RASGRF2: variants seen among roughly 807,000 people sequenced by gnomAD.
RASGRF2 encodes Ras protein specific guanine nucleotide releasing factor 2.
In RASGRF2, 76 loss-of-function variants were observed where a neutral mutation model predicts 151.0. That is an observed-to-expected ratio of 0.50 (90% CI 0.42 to 0.61). RASGRF2 has a LOEUF of 0.61. Ranked by LOEUF, RASGRF2 falls within the 20% of genes least tolerant of loss-of-function variation. The pLI is 0.00. For missense variants in RASGRF2, 1,148 were observed against 1,564.6 expected, an observed-to-expected ratio of 0.73 and a Z score of 4.49; for synonymous variants, 504 against 566.5, an observed-to-expected ratio of 0.89 and a Z score of 1.57.
intron 1 of RASGRF2, among the ~76,000 whole-genome samples, chr5:80,983,003 A>G (rs1461078207): frequency 6.6e-6 from 1 of 152,208 alleles, no homozygotes; most frequent in Non-Finnish European, 1.5e-5. Flanking sequence ...ATGTCTCTCA[A>G]TGTTAGCCAT....
At chr5:81,178,807 T>C (rs769267489) in intron 17 of RASGRF2, among the ~76,000 whole-genome samples, 28 of 152,130 alleles carry the variant, frequency 1.8e-4, no homozygotes, top group African/African-American at 2.9e-4. Context: ...GGCGCCGTCT[T>C]GGCTCACTGC....
chr5:81,019,818 T>C (rs1375387569), intron 1 of RASGRF2, among the ~76,000 whole-genome samples: 3 of 152,218 alleles, frequency 2.0e-5, no homozygotes, highest in Non-Finnish European at 2.9e-5. Flanking sequence ...TGAATAAATA[T>C]CTTTATTGCT....
chr5:81,061,997 CAAAAAAAAAAAAAA>C (rs34991044), intron 2 of RASGRF2, among the ~76,000 whole-genome samples: 1 of 44,000 alleles, frequency 2.3e-5, no homozygotes, highest in Admixed American at 2.0e-4. Context: ...TCCCAGCTGA[CAAAAAAAAAAAAAA>C]AAAAAAAAAA....
At position 81,201,383 on chromosome 5, in the gene RASGRF2, A is replaced by T; in HGVS notation, c.2847A>T (p.Glu949Asp). 6.2e-7 allele frequency: 1 copy of T among 1,613,988 alleles called. No individual in the cohort carries two copies. Among genetic ancestry groups the T allele is most frequent in the Non-Finnish European group, 8.5e-7 (1 of 1,179,942 alleles). ...LKMNVLNLLEEVLRDPDLLPQ... is the reference protein window; with the variant it reads ...LKMNVLNLLEDVLRDPDLLPQ... ...TGAATGTCCTAAATTTGCTAGAAGAAGTTTTGCGAGACCCAGACCTTCTTC... is the reference window on the plus strand; with the variant it reads ...TGAATGTCCTAAATTTGCTAGAAGATGTTTTGCGAGACCCAGACCTTCTTC... The change falls in exon 19 of 27, where the codon GAA (glutamate) becomes GAT (aspartate). Residue 949 changes from glutamate to aspartate, a missense_variant. By Grantham distance (45) the Glu-to-Asp change is conservative (BLOSUM62 2). Around this residue, in one of 5 missense-constraint regions of RASGRF2, gnomAD observed 646 missense variants for 807.4 expected, o/e 0.80. Coordinates refer to ENST00000265080, the MANE Select transcript of RASGRF2 (RefSeq NM_006909.3).
chr5:81,092,952 T>C lies in RASGRF2; in HGVS notation c.1542T>C (p.His514=). ...CAAGAAGTTCAGGAGGGAAGCTTCA[T>C]CTGCTCAAGGTACTGGTTTTCCATA... ...ICTRSSGGKL[H]LLKTGGVLSL... The change falls in exon 10 of 27, where the codon CAT becomes CAC. Residue 514 remains histidine (H), a synonymous_variant. Coordinates refer to ENST00000265080, the MANE Select transcript of RASGRF2 (RefSeq NM_006909.3). 2.5e-6 allele frequency: 4 copies of C among 1,611,622 alleles called. No individual in the cohort carries two copies. Among genetic ancestry groups the C allele is most frequent in the Non-Finnish European group, 1.7e-6 (2 of 1,178,310 alleles).
chr5:81,106,312 G>A (rs1278177953), intron 12 of RASGRF2, among the ~76,000 whole-genome samples: 1 of 151,882 alleles, frequency 6.6e-6, no homozygotes, highest in Non-Finnish European at 1.5e-5. Flanking sequence ...CTCACAGTCT[G>A]CCTTAGGGGA....
intron 18 of RASGRF2, among the ~76,000 whole-genome samples, chr5:81,188,849 A>AC (rs1755093328): frequency 6.6e-6 from 1 of 151,976 alleles, no homozygotes; most frequent in South Asian, 2.1e-4. Flanking sequence ...TTTGCCGGGA[A>AC]CCCCCAATCT....
At chr5:81,082,196 C>T (rs981737278) in intron 7 of RASGRF2, among the ~76,000 whole-genome samples, 3 of 152,082 alleles carry the variant, frequency 2.0e-5, no homozygotes, top group East Asian at 1.9e-4. Flanking sequence ...TGTCTTTCTT[C>T]GTGCTATTTA....
intron 12 of RASGRF2, among the ~76,000 whole-genome samples, chr5:81,101,351 T>A (rs1580314793): frequency 6.6e-6 from 1 of 151,688 alleles, no homozygotes; most frequent in African/African-American, 2.4e-5. Context: ...TATTATAGTT[T>A]AACTTTTTTT....
chr5:81,217,553 T>C, intron 25 of RASGRF2, 80 bp downstream of exon 25: 1 of 944,726 alleles, frequency 1.1e-6, no homozygotes, highest in Non-Finnish European at 1.4e-6. Flanking sequence ...AAAGTCAATG[T>C]CTGCTTTTTT....
intron 2 of RASGRF2, among the ~76,000 whole-genome samples, chr5:81,060,515 T>C (rs562099362): frequency 2.0e-5 from 3 of 152,280 alleles, no homozygotes; most frequent in East Asian, 1.9e-4. Flanking sequence ...AGGTGACATA[T>C]GATAGATTTG....
chr5:81,073,457 G>T lies in RASGRF2; in HGVS notation c.887+5G>T. 1 of 1,610,994 alleles carries T rather than the reference G, an allele frequency of 6.2e-7. No individual in the cohort carries two copies. ...CAGCAGTATTTTTCTTAACAGGTTT[G>T]ACATTGCATAAATCAAAGAGTTATG... On this transcript the variant is annotated splice_donor_5th_base_variant and intron_variant, in intron 5 of 26. Transcript: ENST00000265080.
chr5:81,198,182 C>T (rs772155619), intron 18 of RASGRF2, among the ~76,000 whole-genome samples: 2 of 151,648 alleles, frequency 1.3e-5, no homozygotes, highest in African/African-American at 2.4e-5. Flanking sequence ...TTTTGTGTGG[C>T]GCTGAGATTT....
intron 15 of RASGRF2, among the ~76,000 whole-genome samples, chr5:81,121,102 GT>G: frequency 6.6e-6 from 1 of 152,160 alleles, no homozygotes; most frequent in Non-Finnish European, 1.5e-5. Flanking sequence ...AGTTGTGTGT[GT>G]GTGTGTGTGA....
rs1390503448 is a variant in RASGRF2 at position 81,227,871 on chromosome 5, T to G, written c.*2101T>G. Reference sequence around the variant, plus strand: ...GTTCTGTGTGCACTTTTTCTGGAAGTTCGGACTCATTTCTTTGACCCAAAT... The same window carrying G: ...GTTCTGTGTGCACTTTTTCTGGAAGGTCGGACTCATTTCTTTGACCCAAAT... On this transcript the variant is annotated 3_prime_UTR_variant, in exon 27 of 27. Coordinates refer to ENST00000265080, the MANE Select transcript of RASGRF2 (RefSeq NM_006909.3). The G allele has an allele frequency of 6.6e-6, 1 of 152,194 alleles. No homozygotes were observed. Among genetic ancestry groups the G allele is most frequent in the Non-Finnish European group, 1.5e-5 (1 of 68,040 alleles). The allele number at this position is 152,194 out of a possible 1,614,324, so 9.4% of individuals were successfully genotyped here. A position where few individuals can be genotyped will look rare whatever the true frequency, so the allele number is the denominator to read the frequency against.
intron 19 of RASGRF2, among the ~76,000 whole-genome samples, chr5:81,203,437 C>T (rs1053458708): frequency 6.6e-6 from 1 of 152,210 alleles, no homozygotes; most frequent in African/African-American, 2.4e-5. Context: ...CCTCAGACGT[C>T]AGTCAGTTGG....
chr5:81,000,048 A>T (rs1749030067), intron 1 of RASGRF2, among the ~76,000 whole-genome samples: 1 of 152,082 alleles, frequency 6.6e-6, no homozygotes, highest in Non-Finnish European at 1.5e-5. Flanking sequence ...GAGTAGCTCG[A>T]CTGGGAATGG....
intron 2 of RASGRF2, among the ~76,000 whole-genome samples, chr5:81,064,962 G>A (rs538014258): frequency 6.6e-6 from 1 of 152,250 alleles, no homozygotes; most frequent in African/African-American, 2.4e-5. Context: ...TCAGATGAAA[G>A]ACCTTACAGA....
chr5:81,184,039 C>T (rs996048410), intron 18 of RASGRF2, among the ~76,000 whole-genome samples: 6 of 152,196 alleles, frequency 3.9e-5, no homozygotes, highest in Admixed American at 2.0e-4. Context: ...GAACACATGG[C>T]AGATGCCCAG....
Sources: gnomAD v4.1 joint callset for allele counts (sites outside exome capture counted in the v4.1 genomes callset) on GRCh38, gnomAD v4.1.1 for gene constraint, gnomAD v4.1.1 regional missense constraint, MANE v1.5 for transcripts, NCBI Gene and HGNC (gene_info 2026-07-23, HGNC 2026-07-21) for gene names.